NFIB: variants seen among roughly 807,000 people sequenced by gnomAD.
NFIB encodes the protein nuclear factor 1 B-type.
NFIB carries 11 observed loss-of-function variants against 61.5 expected under a neutral mutation model. The observed-to-expected ratio is 0.18, with a 90% CI of 0.11 to 0.30. The LOEUF (loss-of-function observed/expected upper bound fraction) is 0.30. Among genes scored for constraint, NFIB ranks in the 10% least tolerant of loss-of-function variants. The pLI, the probability that NFIB is intolerant of heterozygous loss-of-function variation, is 1.00. For synonymous variants in NFIB, 260 were observed against 216.5 expected (o/e 1.20, Z -1.76); for missense variants, 471 against 608.9 (o/e 0.77, Z 2.38).
chr9:14,163,374 C>G (rs929623310), intron 3 of NFIB, among the ~76,000 whole-genome samples: 16 of 151,760 alleles, frequency 1.1e-4, no homozygotes, highest in African/African-American at 3.9e-4. Context: ...CTGAAAAATA[C>G]AAAATCCAAC....
intron 1 of NFIB, among the ~76,000 whole-genome samples, chr9:14,392,013 GTA>G (rs2061628112): frequency 6.6e-6 from 1 of 152,134 alleles, no homozygotes; most frequent in South Asian, 2.1e-4. Flanking sequence ...TTCTCTGCTG[GTA>G]ACAGACTTCC....
chr9:14,498,510 A>T, the NFIB span, among the ~76,000 whole-genome samples: 189 of 152,356 alleles, frequency 1.2e-3, 2 homozygotes, highest in East Asian at 0.034. Context: ...TGGACAAAAT[A>T]GGACAAAACC....
intron 2 of NFIB, among the ~76,000 whole-genome samples, chr9:14,266,469 C>A (rs2057209653): frequency 6.6e-6 from 1 of 152,008 alleles, no homozygotes; most frequent in Non-Finnish European, 1.5e-5. Context: ...GTGTCCCATG[C>A]CTGTGATTCC....
chr9:14,347,631 T>C (rs977300584), intron 1 of NFIB, among the ~76,000 whole-genome samples: 18 of 147,104 alleles, frequency 1.2e-4, no homozygotes, highest in African/African-American at 4.3e-4. Context: ...CCCTAGGCGG[T>C]TGAAGATCCA....
the NFIB span, among the ~76,000 whole-genome samples, chr9:14,509,718 C>T: frequency 6.6e-6 from 1 of 152,120 alleles, no homozygotes; most frequent in Non-Finnish European, 1.5e-5. Flanking sequence ...CCTGAAGCAC[C>T]AGGACAAAAT....
chr9:14,106,075 T>A (rs997732330), intron 10 of NFIB, among the ~76,000 whole-genome samples: 1 of 152,124 alleles, frequency 6.6e-6, no homozygotes, highest in African/African-American at 2.4e-5. Context: ...AAGAATGCTG[T>A]AAGAATTTTT....
At chr9:14,269,952 T>C (rs1435604715) in intron 2 of NFIB, among the ~76,000 whole-genome samples, 1 of 152,158 alleles carries the variant, frequency 6.6e-6, no homozygotes, top group Non-Finnish European at 1.5e-5. Context: ...CTATATATAT[T>C]GATTAATTTT....
intron 2 of NFIB, among the ~76,000 whole-genome samples, chr9:14,207,421 G>A (rs1209400376): frequency 1.3e-5 from 2 of 152,238 alleles, no homozygotes; most frequent in Non-Finnish European, 2.9e-5. Flanking sequence ...TGACTGTGGG[G>A]AGTTTATGTT....
At chr9:14,183,549 G>A (rs551798957) in intron 2 of NFIB, among the ~76,000 whole-genome samples, 11 of 151,950 alleles carry the variant, frequency 7.2e-5, no homozygotes, top group South Asian at 4.2e-4. Context: ...GACTACAGGC[G>A]CACACCACCA....
chr9:14,424,855 G>A, the NFIB span, among the ~76,000 whole-genome samples: 1 of 152,120 alleles, frequency 6.6e-6, no homozygotes, highest in African/African-American at 2.4e-5. Flanking sequence ...TTTTACATGA[G>A]GGACATCTAG....
intron 2 of NFIB, among the ~76,000 whole-genome samples, chr9:14,302,285 A>T (rs1367191241): frequency 6.6e-6 from 1 of 152,246 alleles, no homozygotes; most frequent in East Asian, 1.9e-4. Flanking sequence ...GGAAGAAAAT[A>T]ATTCTTAGCA....
At chr9:14,193,113 T>A (rs778892909) in intron 2 of NFIB, among the ~76,000 whole-genome samples, 2 of 151,398 alleles carry the variant, frequency 1.3e-5, no homozygotes, top group Admixed American at 6.6e-5. Flanking sequence ...TACTGATACA[T>A]AAAAATAATC....
Position 14,215,160 on chromosome 9 carries a change from G to C in NFIB, c.563-35380C>G, listed in dbSNP as rs943919245. ...TGGGTGCTTAGCAGAGCAAGAAATG[G>C]AAAAATAATGGCTAAAGCAGCTTTT... On this transcript the variant is annotated intron_variant, in intron 2 of 10. Coordinates refer to ENST00000380953, the MANE Select transcript of NFIB (RefSeq NM_001190737.2). Among the ~76,000 whole-genome samples the C allele has an allele frequency of 4.2e-5, 6 of 141,858 alleles. 1 individual carries two copies. The highest frequency in any genetic ancestry group is 1.9e-4 in the African/African-American group (6 of 31,972). 93.1% of individuals were successfully genotyped at this position (141,858 alleles called of 152,430 possible). A position where few individuals can be genotyped will look rare whatever the true frequency, so the allele number is the denominator to read the frequency against.
At chr9:14,262,726 A>T (rs1285088482) in intron 2 of NFIB, among the ~76,000 whole-genome samples, 3 of 152,186 alleles carry the variant, frequency 2.0e-5, no homozygotes, top group African/African-American at 7.2e-5. Flanking sequence ...CGGAGAAAGA[A>T]AAGATGTTCA....
chr9:14,284,350 T>C (rs2058573364), intron 2 of NFIB, among the ~76,000 whole-genome samples: 1 of 152,192 alleles, frequency 6.6e-6, no homozygotes, highest in South Asian at 2.1e-4. Context: ...TCTGGATCTT[T>C]CCATACATCT....
chr9:14,090,460 T>C (rs777201521), intron 10 of NFIB, among the ~76,000 whole-genome samples: 5 of 152,116 alleles, frequency 3.3e-5, no homozygotes, highest in Non-Finnish European at 7.4e-5. Flanking sequence ...TTGTACATGG[T>C]CCTGTTACAG....
the NFIB span, among the ~76,000 whole-genome samples, chr9:14,510,730 C>A: frequency 2.6e-5 from 4 of 152,158 alleles, no homozygotes; most frequent in Admixed American, 2.6e-4. Flanking sequence ...CTCAAAATCA[C>A]ATTTTAAGAA....
chr9:14,389,771 C>T (rs2061597801), intron 1 of NFIB, among the ~76,000 whole-genome samples: 1 of 152,130 alleles, frequency 6.6e-6, no homozygotes, highest in Non-Finnish European at 1.5e-5. Flanking sequence ...TCTTTATTAT[C>T]CTTCCCAACT....
rs76125257 is a variant in NFIB at position 14,372,972 on chromosome 9, T to C, written c.108+25552A>G. 6.5e-4 allele frequency among the ~76,000 whole-genome samples: 97 copies of C among 149,678 alleles called. 1 individual carries two copies. In the East Asian group the frequency reaches 0.016, roughly 25 times the overall value. On this transcript the variant is annotated intron_variant, in intron 1 of 8. Transcript: ENST00000380934. ...CTTAGATATGAGCAAGCATCCCTTA[T>C]ACAGGGAACGGTGGTGGGGGGTGGG...
Sources: gnomAD v4.1 joint callset for allele counts (sites outside exome capture counted in the v4.1 genomes callset) on GRCh38, gnomAD v4.1.1 for gene constraint, MANE v1.5 for transcripts, NCBI Gene and HGNC (gene_info 2026-07-23, HGNC 2026-07-21) for gene names.